Variants in DNAJC16 observed in about 807,000 individuals in gnomAD.
DNAJC16 encodes the protein dnaJ homolog subfamily C member 16.
DNAJC16 carries 76 observed loss-of-function variants against 92.7 expected under a neutral mutation model. The observed-to-expected ratio is 0.82, with a 90% confidence interval of 0.68 to 0.99. The LOEUF is 0.99. Among genes scored for constraint, DNAJC16 ranks in the 50% least tolerant of loss-of-function variants. The probability of loss-of-function intolerance (pLI) is 0.00; values close to 1 mark genes in which losing one functional copy is unlikely to be tolerated. For synonymous variants in DNAJC16, 328 were observed against 358.7 expected (o/e 0.91, Z 0.97); for missense variants, 869 against 942.4 (o/e 0.92, Z 1.02).
At chr1:15,546,919 T>C (rs762139680) in intron 6 of DNAJC16, 48 bp downstream of exon 6, 39 of 1,048,172 alleles carry the variant, frequency 3.7e-5, no homozygotes, top group South Asian at 1.6e-4. Context: ...TCTTTTCTTT[T>C]TTTTTTTTTT....
rs1638860506 is a variant in DNAJC16 at position 15,568,052 on chromosome 1, C to T, written c.2224C>T (p.Pro742Ser). ...CTACCTGGGTGAATCTCGAGGGAAA[C>T]CTTCCTGTGGCCTTGGATCCAGGCC... is the stretch of plus-strand genomic sequence containing the variant. Reference protein sequence around the residue: ...SLYLGESRGKPSCGLGSRPIK... With the variant: ...SLYLGESRGKSSCGLGSRPIK... Residue 742 changes from proline (P) to serine (S), a missense_variant, in exon 15 of 15, where the codon CCT (proline) becomes TCT (serine). Transcript: ENST00000375847. 10 of 1,614,074 alleles carry T rather than the reference C, an allele frequency of 6.2e-6. No individual in the cohort carries two copies. The highest frequency in any genetic ancestry group is 1.3e-5 in the African/African-American group (1 of 74,910).
At position 15,562,178 on chromosome 1, in the gene DNAJC16, G is replaced by A; in HGVS notation, c.1191G>A (p.Lys397=). 6.2e-7 allele frequency: 1 copy of A among 1,613,996 alleles called. No homozygotes were observed. The highest frequency in any genetic ancestry group is 8.5e-7 in the Non-Finnish European group (1 of 1,179,880). ...TTTTATTGACTGCTGAGACTACCAA[G>A]TTGAGCAAACCCTTTGAGGCTTTCC... ...CVVLLTAETT[K]LSKPFEAFLS... Residue 397 remains lysine (K), a synonymous_variant, in exon 9 of 15, where the codon AAG becomes AAA. Transcript: ENST00000375847.
intron 7 of DNAJC16, among the ~76,000 whole-genome samples, 173 bp from the exon 8 acceptor site, chr1:15,559,353 A>G (rs760819775): frequency 2.6e-5 from 4 of 152,216 alleles, no homozygotes; most frequent in Non-Finnish European, 4.4e-5. Flanking sequence ...TCAGCCCTGC[A>G]TTGCTGAAAT....
At position 15,548,334 on chromosome 1, in the gene DNAJC16, C is replaced by CG; in HGVS notation, c.931dup (p.Glu311GlyfsTer20). The CG allele has an allele frequency of 6.2e-7, 1 of 1,614,080 alleles. No individual in the cohort carries two copies. Among genetic ancestry groups the CG allele is most frequent in the Non-Finnish European group, 8.5e-7 (1 of 1,179,994 alleles). The stretch of plus-strand genomic sequence containing the variant: ...TATGTATATGTGGGTTTGAGAGGGA[C>CG]GGAAGAGATGACAAGGCGGTACAAC... On this transcript the variant is annotated frameshift_variant, in exon 7 of 15. Coordinates refer to ENST00000375847, the MANE Select transcript of DNAJC16 (RefSeq NM_015291.4). LOFTEE classifies it high-confidence loss of function.
chr1:15,544,441 T>A lies in DNAJC16; in HGVS notation c.617T>A (p.Leu206Gln), dbSNP rs1638239227. The change falls in exon 5 of 15, where the codon CTG becomes CAG. Residue 206 changes from leucine (L) to glutamine (Q), a missense_variant. Transcript: ENST00000375847. The part of the protein sequence containing the change: ...GVVHAGYERR[L>Q]AHHLGAHSTP... ...GTCCATGCTGGGTATGAGAGACGCC[T>A]GGCCCATCACCTAGGGGCACACAGC... 6.2e-7 allele frequency: 1 copy of A among 1,614,090 alleles called. No homozygotes were observed. The highest frequency in any genetic ancestry group is 8.5e-7 in the Non-Finnish European group (1 of 1,179,976).
At chr1:15,555,435 A>T (rs1175177722) in intron 7 of DNAJC16, among the ~76,000 whole-genome samples, 1 of 151,306 alleles carries the variant, frequency 6.6e-6, no homozygotes, top group African/African-American at 2.4e-5. Flanking sequence ...CTGTAATCCC[A>T]GCATTTTGGG....
Position 15,566,083 on chromosome 1 carries a change from G to A in DNAJC16, c.1681G>A (p.Asp561Asn), listed in dbSNP as rs200591096. The A allele has an allele frequency of 7.4e-6, 12 of 1,612,832 alleles. No individual in the cohort carries two copies. Among genetic ancestry groups the A allele is most frequent in the African/African-American group, 2.7e-5 (2 of 74,622 alleles). The change falls in exon 13 of 15, where the codon GAC (aspartate) becomes AAC (asparagine). Residue 561 changes from aspartate (D) to asparagine (N), a missense_variant and splice_region_variant. By Grantham distance (23) the Asp-to-Asn change is conservative (BLOSUM62 1). Coordinates refer to ENST00000375847, the MANE Select transcript of DNAJC16 (RefSeq NM_015291.4). ...AAAACTCCTTTTTTCTTACTTTAGC[G>A]ACTCTAATGATGAGCGAGAGTCAAG... ...FGTVIVQAFSDSNDERESSPP... is the reference protein window; with the variant it reads ...FGTVIVQAFSNSNDERESSPP...
chr1:15,552,129 C>G (rs1638458204), intron 7 of DNAJC16, among the ~76,000 whole-genome samples: 1 of 151,930 alleles, frequency 6.6e-6, no homozygotes, highest in East Asian at 1.9e-4. Context: ...GCCTGGGCCT[C>G]CCAAAGTGCT....
At chr1:15,538,256 G>A (rs1229562539) in intron 4 of DNAJC16, among the ~76,000 whole-genome samples, 1 of 151,960 alleles carries the variant, frequency 6.6e-6, no homozygotes, top group Non-Finnish European at 1.5e-5. Flanking sequence ...TCAGCCAGGA[G>A]TGGTGGCGGG....
chr1:15,527,932 A>G (rs1283373041), intron 1 of DNAJC16, among the ~76,000 whole-genome samples: 3 of 152,208 alleles, frequency 2.0e-5, no homozygotes, highest in Non-Finnish European at 2.9e-5. Flanking sequence ...TGGAGTATAA[A>G]TATCTGCAGT....
chr1:15,539,243 A>AT (rs59004062), intron 4 of DNAJC16, among the ~76,000 whole-genome samples: 2,544 of 148,276 alleles, frequency 0.017, 51 homozygotes, highest in African/African-American at 0.049. Flanking sequence ...TTTTTATTTT[A>AT]TTTTTTTTTT....
At chr1:15,536,072 C>CTTTTTTTTTTTTTTTTTTTTTTTTTT (rs758451008) in intron 3 of DNAJC16, among the ~76,000 whole-genome samples, 1 of 84,610 alleles carries the variant, frequency 1.2e-5, no homozygotes, top group Non-Finnish European at 2.3e-5. Context: ...CTTTTCTTTT[C>CTTTTTTTTTTTTTTTTTTTTTTTTTT]TTTTTTTTTT....
intron 9 of DNAJC16, among the ~76,000 whole-genome samples, 154 bp downstream of exon 9, chr1:15,562,479 T>C (rs886459007): frequency 6.6e-6 from 1 of 151,704 alleles, no homozygotes; most frequent in African/African-American, 2.4e-5. Context: ...TTTTCCTTTT[T>C]CTTGATTTTT....
At chr1:15,528,947 C>T (rs1710587333) in intron 1 of DNAJC16, 141 bp from the exon 2 acceptor site, 2 of 572,954 alleles carry the variant, frequency 3.5e-6, no homozygotes, top group Admixed American at 3.4e-5. Flanking sequence ...TTTTAAGATA[C>T]AGTTCAACAG....
At chr1:15,529,824 T>C (rs1010358486) in intron 2 of DNAJC16, among the ~76,000 whole-genome samples, 57 of 152,284 alleles carry the variant, frequency 3.7e-4, no homozygotes, top group African/African-American at 1.3e-3. Flanking sequence ...CATTGGATGC[T>C]CAAGTCCCTA....
At chr1:15,564,545 C>CT (rs34711960) in intron 11 of DNAJC16, among the ~76,000 whole-genome samples, 186 bp downstream of exon 11, 41,057 of 142,374 alleles carry the variant, frequency 0.29, 6,644 homozygotes, top group African/African-American at 0.44. Flanking sequence ...TTATTTTTTA[C>CT]TTTTTTTTTT....
At chr1:15,527,577 T>G (rs1370709230) in intron 1 of DNAJC16, among the ~76,000 whole-genome samples, 1 of 152,242 alleles carries the variant, frequency 6.6e-6, no homozygotes, top group Non-Finnish European at 1.5e-5. Flanking sequence ...GGAGAATAGA[T>G]CCTAGTCTTC....
intron 6 of DNAJC16, 106 bp downstream of exon 6, chr1:15,546,977 C>G (rs1437568075): frequency 1.2e-6 from 1 of 811,528 alleles, no homozygotes; most frequent in African/African-American, 2.6e-5. Flanking sequence ...GCCTATTTGT[C>G]TTTTTTGTAA....
intron 7 of DNAJC16, among the ~76,000 whole-genome samples, chr1:15,554,659 A>G (rs1638524843): frequency 6.6e-6 from 1 of 151,846 alleles, no homozygotes; most frequent in South Asian, 2.1e-4. Flanking sequence ...GGTCTTTTGT[A>G]CTTTTTGTAT....
Sources: allele counts gnomAD v4.1 joint callset (sites outside exome capture counted in the v4.1 genomes callset), GRCh38; gene constraint gnomAD v4.1.1; transcripts MANE v1.5; gene names NCBI Gene and HGNC (gene_info 2026-07-23, HGNC 2026-07-21).